ACOXL: variants seen among roughly 807,000 people sequenced by gnomAD.
ACOXL encodes the protein acyl-CoA oxidase like, also known as acyl-coenzyme A oxidase-like protein.
ACOXL carries 70 observed loss-of-function variants against 71.9 expected under a neutral mutation model. That is an observed-to-expected ratio of 0.97 (90% confidence interval 0.80 to 1.19). The LOEUF (loss-of-function observed/expected upper bound fraction) is 1.19, where lower values mean the gene tolerates loss of function less well. ACOXL is among the 50% of genes most tolerant of loss of function. The pLI is 0.00. For synonymous variants in ACOXL, 253 were observed against 281.6 expected, an observed-to-expected ratio of 0.90 and a Z score of 1.02; for missense variants, 703 against 736.3, an observed-to-expected ratio of 0.95 and a Z score of 0.52.
At chr2:110,975,221 A>G (rs1197013818) in intron 12 of ACOXL, among the ~76,000 whole-genome samples, 1 of 152,242 alleles carries the variant, frequency 6.6e-6, no homozygotes, top group Non-Finnish European at 1.5e-5. Flanking sequence ...TGAACAATCA[A>G]GCATCATCAA....
chr2:110,778,540 C>A (rs1682937258), intron 2 of ACOXL, among the ~76,000 whole-genome samples: 1 of 152,198 alleles, frequency 6.6e-6, no homozygotes, highest in South Asian at 2.1e-4. Flanking sequence ...TCAGATAGAA[C>A]AGGGTTCATG....
At position 110,753,266 on chromosome 2, in the gene ACOXL, A is replaced by G. The variant is rs137874066; in HGVS notation, c.-22-15102A>G. Among the ~76,000 whole-genome samples the G allele has an allele frequency of 1.0e-3, 154 of 152,282 alleles. 1 individual carries two copies. The highest frequency in any genetic ancestry group is 3.4e-3 in the Middle Eastern group (1 of 294). The stretch of plus-strand genomic sequence containing the variant: ...TGAGGCCTCATCAGAAGCCGAGCAA[A>G]TGCTGATGCCATGCTTGTACAGCCT... On this transcript the variant is annotated intron_variant, in intron 1 of 17. Coordinates refer to ENST00000439055, the MANE Select transcript of ACOXL (RefSeq NM_001142807.4).
chr2:110,743,777 G>T (rs1006779105), intron 1 of ACOXL, among the ~76,000 whole-genome samples: 3 of 152,116 alleles, frequency 2.0e-5, no homozygotes, highest in Admixed American at 1.3e-4. Flanking sequence ...TTCCCTTGTG[G>T]TGCCTTCCGG....
intron 12 of ACOXL, among the ~76,000 whole-genome samples, chr2:110,936,217 C>T (rs1446493519): frequency 6.6e-6 from 1 of 152,082 alleles, no homozygotes; most frequent in Non-Finnish European, 1.5e-5. Context: ...TAAGTCTTCC[C>T]CCAACTTTGG....
At chr2:111,113,976 T>C (rs2070163427) in intron 17 of ACOXL, among the ~76,000 whole-genome samples, 1 of 152,264 alleles carries the variant, frequency 6.6e-6, no homozygotes. Context: ...GCATAGAGAT[T>C]CTTTTTGGAA....
rs199830961 is a variant in ACOXL at position 111,005,383 on chromosome 2, AG to A, written c.1281+9381del. Among the ~76,000 whole-genome samples the A allele has an allele frequency of 5.9e-3, 900 of 152,234 alleles. 10 individuals are homozygous for A. The highest frequency in any genetic ancestry group is 0.02 in the African/African-American group (847 of 41,538). On this transcript the variant is annotated intron_variant, in intron 14 of 17. Transcript: ENST00000439055. ...GTTATTTTTCCTTATTCAGATTTAG[AG>A]GTTTGGATGGAGAATTGGTGGAGGC...
chr2:111,053,268 C>T (rs1161988735), intron 16 of ACOXL, among the ~76,000 whole-genome samples: 3 of 152,180 alleles, frequency 2.0e-5, no homozygotes, highest in African/African-American at 7.2e-5. Context: ...AGTGAACTTG[C>T]TTGGAGCCCC....
chr2:111,117,705 C>T lies in ACOXL; in HGVS notation c.1632C>T (p.Ile544=), dbSNP rs1574814524. The T allele has an allele frequency of 6.4e-7, 1 of 1,551,788 alleles. No individual in the cohort carries two copies. Among genetic ancestry groups the T allele is most frequent in the East Asian group, 2.4e-5 (1 of 40,930 alleles). The part of the protein sequence containing the change: ...NIPHTYLHAP[I]AGISNPRAAW... The stretch of plus-strand genomic sequence containing the variant: ...CACACACCTACCTCCACGCACCAAT[C>T]GCCGGAATCTCCAACCCGCGGGCCG... Residue 544 remains isoleucine, a synonymous_variant, in exon 18 of 18, where the codon ATC becomes ATT. Transcript: ENST00000439055.
At chr2:110,920,820 C>T (rs1015539202) in intron 11 of ACOXL, among the ~76,000 whole-genome samples, 1 of 152,074 alleles carries the variant, frequency 6.6e-6, no homozygotes, top group Non-Finnish European at 1.5e-5. Context: ...TACATGAACA[C>T]TGTATATCTT....
intron 14 of ACOXL, chr2:111,017,827 G>A (rs965809032): frequency 2.6e-5 from 4 of 152,196 alleles, no homozygotes; most frequent in African/African-American, 4.8e-5. Flanking sequence ...GGTTTGGTTA[G>A]TGGTATTGTA....
chr2:110,882,083 ACAG>A (rs1187361481), intron 10 of ACOXL, among the ~76,000 whole-genome samples: 2 of 152,192 alleles, frequency 1.3e-5, no homozygotes, highest in South Asian at 4.1e-4. Flanking sequence ...TACTTTCCCG[ACAG>A]CGGCGTATGA....
intron 9 of ACOXL, among the ~76,000 whole-genome samples, chr2:110,831,454 G>T (rs1689813155): frequency 6.6e-6 from 1 of 152,138 alleles, no homozygotes; most frequent in African/African-American, 2.4e-5. Context: ...AACCAAAGAA[G>T]ATTCAAAGAA....
At chr2:110,984,748 G>A in intron 12 of ACOXL, among the ~76,000 whole-genome samples, 1 of 152,214 alleles carries the variant, frequency 6.6e-6, no homozygotes, top group East Asian at 1.9e-4. Context: ...AGAAGTTAAA[G>A]GAGTTTATCA....
At chr2:110,895,493 C>T (rs1052291077) in intron 10 of ACOXL, among the ~76,000 whole-genome samples, 8 of 152,026 alleles carry the variant, frequency 5.3e-5, no homozygotes, top group Non-Finnish European at 1.2e-4. Context: ...AATAGGAGGG[C>T]TGAAAAAGTG....
At chr2:110,822,566 C>G (rs1404464162) in intron 9 of ACOXL, among the ~76,000 whole-genome samples, 1 of 152,138 alleles carries the variant, frequency 6.6e-6, no homozygotes, top group Admixed American at 6.5e-5. Context: ...ACCTTTATTT[C>G]TTACTCCCTT....
chr2:110,768,924 T>C (rs1459617898), intron 2 of ACOXL, among the ~76,000 whole-genome samples: 6 of 141,448 alleles, frequency 4.2e-5, no homozygotes, highest in Non-Finnish European at 9.5e-5. Context: ...TGGAGGAGAG[T>C]GTCTTCCTCA....
intron 14 of ACOXL, among the ~76,000 whole-genome samples, chr2:111,011,134 G>A (rs2064130943): frequency 6.6e-6 from 1 of 152,136 alleles, no homozygotes; most frequent in African/African-American, 2.4e-5. Context: ...AAAGTGAAAT[G>A]TATGGCAAAA....
chr2:110,824,009 T>G (rs1688908768), intron 9 of ACOXL, among the ~76,000 whole-genome samples: 1 of 152,202 alleles, frequency 6.6e-6, no homozygotes, highest in Non-Finnish European at 1.5e-5. Flanking sequence ...GATTGTGCTT[T>G]TGGTGCTATA....
At chr2:110,930,020 T>C (rs2060421390) in intron 11 of ACOXL, among the ~76,000 whole-genome samples, 1 of 152,208 alleles carries the variant, frequency 6.6e-6, no homozygotes, top group Non-Finnish European at 1.5e-5. Context: ...TTGAAGCCCC[T>C]ACACAGAGTC....
Sources: gnomAD v4.1 joint callset for allele counts (sites outside exome capture counted in the v4.1 genomes callset) on GRCh38, gnomAD v4.1.1 for gene constraint, MANE v1.5 for transcripts, NCBI Gene and HGNC (gene_info 2026-07-23, HGNC 2026-07-21) for gene names.